The following PCDHGA2 variants were observed in gnomAD, a reference collection of about 807,000 sequenced individuals.
PCDHGA2 encodes the protein protocadherin gamma subfamily A, 2, also known as protocadherin gamma-A2.
A neutral mutation model predicts 59.2 loss-of-function variants in PCDHGA2; 40 were observed. That is an observed-to-expected ratio of 0.68 (90% CI 0.52 to 0.88). The LOEUF (loss-of-function observed/expected upper bound fraction) is 0.88, where lower values mean the gene tolerates loss of function less well. Among genes scored for constraint, PCDHGA2 ranks in the 40% least tolerant of loss-of-function variants. The pLI, the probability that PCDHGA2 is intolerant of heterozygous loss-of-function variation, is 0.00. For missense variants in PCDHGA2, 1,226 were observed against 1,204.0 expected, an observed-to-expected ratio of 1.02 and a Z score of -0.27; for synonymous variants, 560 against 526.0, an observed-to-expected ratio of 1.06 and a Z score of -0.89.
Position 141,374,841 on chromosome 5 carries a change from A to T in PCDHGA2, c.2424+33446A>T, listed in dbSNP as rs1770885287. 8 of 1,613,862 alleles carry T rather than the reference A, an allele frequency of 5.0e-6. No individual in the cohort carries two copies. The East Asian group carries it at 1.8e-4, about 36-fold the overall frequency. ...CCTGTCTACCGTGTAAGTGTTCCTGAAAACCTGCCAGTAGGCACACCAGTG... is the reference window on the plus strand; with the variant it reads ...CCTGTCTACCGTGTAAGTGTTCCTGTAAACCTGCCAGTAGGCACACCAGTG... On this transcript the variant is annotated intron_variant, in intron 1 of 3. Coordinates refer to ENST00000394576, the MANE Select transcript of PCDHGA2 (RefSeq NM_018915.4).
Position 141,486,589 on chromosome 5 carries a change from C to T in PCDHGA2, c.2425-8218C>T. On this transcript the variant is annotated intron_variant, in intron 1 of 3. Transcript: ENST00000394576. The surrounding 1 kb of genome is among the most constrained non-coding windows in gnomAD (Gnocchi z 5.0). ...TTCCTGAGAACAATCGCCCAGGGGA[C>T]CTGCTTTGCTCCCTTGCAGCCTCTG... 1 of 1,613,676 alleles carries T rather than the reference C, an allele frequency of 6.2e-7. No individual in the cohort carries two copies. Among genetic ancestry groups the T allele is most frequent in the African/African-American group, 1.3e-5 (1 of 75,064 alleles).
intron 1 of PCDHGA2, among the ~76,000 whole-genome samples, chr5:141,349,082 T>G (rs1385780798): frequency 6.6e-6 from 1 of 152,112 alleles, no homozygotes; most frequent in Non-Finnish European, 1.5e-5. Flanking sequence ...TTATAGAGAA[T>G]GTTTTTGAGA....
intron 1 of PCDHGA2, chr5:141,346,260 G>C: frequency 6.2e-7 from 1 of 1,614,212 alleles, no homozygotes; most frequent in Non-Finnish European, 8.5e-7. Context: ...CTTTGTGGGC[G>C]CGGACGGGGT....
Position 141,477,783 on chromosome 5 carries a change from T to C in PCDHGA2, c.2425-17024T>C. 1 of 1,614,078 alleles carries C rather than the reference T, an allele frequency of 6.2e-7. No individual in the cohort carries two copies. Among genetic ancestry groups the C allele is most frequent in the Non-Finnish European group, 8.5e-7 (1 of 1,180,028 alleles). On this transcript the variant is annotated intron_variant, in intron 1 of 3. Coordinates refer to ENST00000394576, the MANE Select transcript of PCDHGA2 (RefSeq NM_018915.4). The surrounding 1 kb of genome is among the most constrained non-coding windows in gnomAD (Gnocchi z 4.9). ...GCCACCAACATCAGCGTGAACATAT[T>C]TGTCACTGATCGCAATGACAATGCC...
Position 141,476,441 on chromosome 5 carries a change from GAGTTGGT to G in PCDHGA2, c.2425-18362_2425-18356del. 3 of 1,614,160 alleles carry G rather than the reference GAGTTGGT, an allele frequency of 1.9e-6. No homozygotes were observed. The South Asian group carries it at 3.3e-5, about 18-fold the overall frequency. ...ACTGCCCTCTTGCACTGTAACTCTG[GAGTTGGT>G]AGTGGAGAACCCGCTGGAGCTGTTC... On this transcript the variant is annotated intron_variant, in intron 1 of 3. Transcript: ENST00000394576. The surrounding 1 kb of genome is among the most constrained non-coding windows in gnomAD (Gnocchi z 7.6).
intron 1 of PCDHGA2, chr5:141,384,713 C>CA: frequency 6.2e-7 from 1 of 1,614,104 alleles, no homozygotes; most frequent in Non-Finnish European, 8.5e-7. Context: ...GCCTGGCTGT[C>CA]ATACCTCCTG....
chr5:141,345,600 G>GAGACTTAA, intron 1 of PCDHGA2: 5 of 1,614,154 alleles, frequency 3.1e-6, no homozygotes, highest in Middle Eastern at 3.3e-4. Flanking sequence ...CTTCGACTAC[G>GAGACTTAA]AGCAATTTAG....
rs368437640 is a variant in PCDHGA2, at chr5:141,365,739, C to A, written c.2424+24344C>A. ...ACAGAAAACAATCCCAGAGGTGTCT[C>A]TATCTTCTCTGTGACAGCCCATGAC... On this transcript the variant is annotated intron_variant, in intron 1 of 3. Coordinates refer to ENST00000394576, the MANE Select transcript of PCDHGA2 (RefSeq NM_018915.4). 107 of 1,613,792 alleles carry A rather than the reference C, an allele frequency of 6.6e-5. No homozygotes were observed. Among genetic ancestry groups the A allele is most frequent in the Non-Finnish European group, 9.0e-5 (106 of 1,179,874 alleles).
At chr5:141,422,330 CTCT>C in intron 1 of PCDHGA2, 1 of 1,548,166 alleles carries the variant, frequency 6.5e-7, no homozygotes, top group East Asian at 2.2e-5. Context: ...ACAGTGATTG[CTCT>C]TCTAAATGTG....
At position 141,408,464 on chromosome 5, in the gene PCDHGA2, A is replaced by G. The variant is rs764186219; in HGVS notation, c.2424+67069A>G. ...GGAGAGCGGGGACTTACTTGTGAAG[A>G]ACCGAATAGACCGTGAGCAAATATG... On this transcript the variant is annotated intron_variant, in intron 1 of 3. Coordinates refer to ENST00000394576, the MANE Select transcript of PCDHGA2 (RefSeq NM_018915.4). The G allele has an allele frequency of 3.8e-5, 61 of 1,613,880 alleles. No homozygotes were observed. Among genetic ancestry groups the G allele is most frequent in the South Asian group, 1.4e-4 (13 of 91,024 alleles).
At chr5:141,383,417 G>A in intron 1 of PCDHGA2, 1 of 1,614,014 alleles carries the variant, frequency 6.2e-7, no homozygotes, top group African/African-American at 1.3e-5. Flanking sequence ...TACCAGCTCA[G>A]CCCCAATCGC....
chr5:141,392,802 A>G (rs2092597829), intron 1 of PCDHGA2: 7 of 1,572,582 alleles, frequency 4.5e-6, no homozygotes, highest in Non-Finnish European at 6.0e-6. Context: ...AGGATTCTGC[A>G]GCAAAACAAC....
intron 1 of PCDHGA2, among the ~76,000 whole-genome samples, chr5:141,368,478 A>G (rs1328792459): frequency 2.0e-5 from 3 of 152,318 alleles, no homozygotes; most frequent in Middle Eastern, 3.4e-3. Flanking sequence ...CCAAAGAGTA[A>G]CAAGAGAATC....
At chr5:141,423,367 G>A (rs1478466218) in intron 1 of PCDHGA2, 2 of 1,614,068 alleles carry the variant, frequency 1.2e-6, no homozygotes, top group Admixed American at 1.7e-5. Context: ...CGTGCTGCTG[G>A]CACTCAGGCT....
chr5:141,361,602 C>T, intron 1 of PCDHGA2: 1 of 1,614,054 alleles, frequency 6.2e-7, no homozygotes. Context: ...AAGTTTCCTA[C>T]TCCATCGTAG....
intron 2 of PCDHGA2, among the ~76,000 whole-genome samples, chr5:141,496,121 C>A (rs1391009290): frequency 6.6e-6 from 1 of 152,088 alleles, no homozygotes; most frequent in Non-Finnish European, 1.5e-5. Flanking sequence ...TCCTTCCCTG[C>A]CCCTCACACA....
intron 1 of PCDHGA2, chr5:141,478,024 C>T: frequency 2.5e-6 from 4 of 1,614,188 alleles, no homozygotes; most frequent in Non-Finnish European, 3.4e-6. Context: ...CAGTCCAAGA[C>T]ACAGATTCAC....
At chr5:141,394,635 C>T (rs754317215) in intron 1 of PCDHGA2, 1 of 1,613,428 alleles carries the variant, frequency 6.2e-7, no homozygotes, top group Non-Finnish European at 8.5e-7. Context: ...GTCCTACCGC[C>T]TGCTCAAGGC....
intron 1 of PCDHGA2, among the ~76,000 whole-genome samples, chr5:141,482,257 T>C (rs2099555476): frequency 1.3e-5 from 2 of 152,156 alleles, no homozygotes; most frequent in Admixed American, 1.3e-4. Context: ...ACTGTACATA[T>C]TAGTTGTTTA....
Sources: allele counts gnomAD v4.1 joint callset (sites outside exome capture counted in the v4.1 genomes callset), GRCh38; gene constraint gnomAD v4.1.1; non-coding constraint Gnocchi (gnomAD v3.1); transcripts MANE v1.5; gene names NCBI Gene and HGNC (gene_info 2026-07-23, HGNC 2026-07-21).